KDM4C: variants seen among roughly 807,000 people sequenced by gnomAD.
KDM4C encodes the protein lysine demethylase 4C.
KDM4C carries 81 observed loss-of-function variants against 129.3 expected under a neutral mutation model. The ratio of observed to expected loss-of-function variants is 0.63; its 90% CI spans 0.52 to 0.75. The LOEUF (loss-of-function observed/expected upper bound fraction) is 0.75, where lower values mean the gene tolerates loss of function less well. Ranked by LOEUF, KDM4C falls within the 30% of genes least tolerant of loss-of-function variation. KDM4C has a pLI of 0.00. For synonymous variants in KDM4C, 573 were observed against 456.1 expected, an observed-to-expected ratio of 1.26 and a Z score of -3.26; for missense variants, 1,457 against 1,304.0, an observed-to-expected ratio of 1.12 and a Z score of -1.81.
chr9:7,077,614 G>A (rs1284399138), intron 17 of KDM4C, among the ~76,000 whole-genome samples: 1 of 152,120 alleles, frequency 6.6e-6, no homozygotes, highest in Non-Finnish European at 1.5e-5. Context: ...CATTTTGCTG[G>A]CTGTACTGCC....
chr9:6,919,289 TTC>T (rs1295319092), intron 8 of KDM4C, among the ~76,000 whole-genome samples: 1 of 150,148 alleles, frequency 6.7e-6, no homozygotes, highest in Non-Finnish European at 1.5e-5. Flanking sequence ...CTCTCTCTCT[TTC>T]TTTCTTTCTT....
Position 7,168,708 on chromosome 9 carries a change from A to G in KDM4C, c.2902-1090A>G, listed in dbSNP as rs565945679. 2.0e-5 allele frequency among the ~76,000 whole-genome samples: 3 copies of G among 152,208 alleles called. No homozygotes were observed. The South Asian group carries it at 6.2e-4, about 32-fold the overall frequency. On this transcript the variant is annotated intron_variant, in intron 20 of 21. Transcript: ENST00000381309. The stretch of plus-strand genomic sequence containing the variant: ...GGCATTTGATTGAATTTGACACGTG[A>G]ATTTTGAAAGTTCAAGCTCTGTAAG...
At chr9:6,806,498 AAAATAAATAAAT>A (rs3072002) in intron 3 of KDM4C, among the ~76,000 whole-genome samples, 114 of 146,804 alleles carry the variant, frequency 7.8e-4, no homozygotes, top group Non-Finnish European at 1.2e-3. Context: ...CCGTCTCGAA[AAAATAAATAAAT>A]AAATAAATAA....
chr9:6,895,570 A>G (rs746511200), intron 8 of KDM4C, among the ~76,000 whole-genome samples: 3 of 152,112 alleles, frequency 2.0e-5, no homozygotes, highest in Non-Finnish European at 4.4e-5. Context: ...GCATCTGCCT[A>G]CTACTACAGG....
chr9:7,170,533 G>T, intron 21 of KDM4C: 1 of 968,352 alleles, frequency 1.0e-6, no homozygotes, highest in South Asian at 4.8e-5. Flanking sequence ...TGCAGTCATT[G>T]AAAAATATAA....
intron 4 of KDM4C, among the ~76,000 whole-genome samples, chr9:6,817,540 C>G (rs1832341857): frequency 1.3e-5 from 2 of 151,728 alleles, no homozygotes; most frequent in Non-Finnish European, 1.5e-5. Flanking sequence ...AGTTGACAGA[C>G]TGGTGTTTTA....
At chr9:6,806,237 G>A (rs985893544) in intron 3 of KDM4C, among the ~76,000 whole-genome samples, 2 of 152,176 alleles carry the variant, frequency 1.3e-5, no homozygotes, top group African/African-American at 4.8e-5. Context: ...GCTCATGCCT[G>A]TAATCCCAGT....
intron 17 of KDM4C, among the ~76,000 whole-genome samples, chr9:7,084,178 G>T (rs1002823837): frequency 1.3e-5 from 2 of 152,218 alleles, no homozygotes; most frequent in African/African-American, 2.4e-5. Context: ...TAACACAGGT[G>T]TTGACGACCT....
At chr9:7,125,980 T>C (rs1485003313) in intron 18 of KDM4C, among the ~76,000 whole-genome samples, 1 of 152,118 alleles carries the variant, frequency 6.6e-6, no homozygotes, top group Admixed American at 6.5e-5. Context: ...TTTGTAGGAG[T>C]TCCTGAAAGG....
intron 8 of KDM4C, chr9:6,925,147 G>C: frequency 1.0e-6 from 1 of 985,392 alleles, no homozygotes; most frequent in Non-Finnish European, 1.2e-6. Flanking sequence ...GCCAAGCAGT[G>C]CCTCACTGGA....
intron 1 of KDM4C, among the ~76,000 whole-genome samples, chr9:6,766,639 C>T (rs965749254): frequency 6.6e-6 from 1 of 152,034 alleles, no homozygotes; most frequent in African/African-American, 2.4e-5. Flanking sequence ...GAATCTGGAT[C>T]TGAAATGCTT....
intron 1 of KDM4C, among the ~76,000 whole-genome samples, chr9:6,736,015 G>T (rs1817517254): frequency 6.6e-6 from 1 of 152,176 alleles, no homozygotes; most frequent in Non-Finnish European, 1.5e-5. Flanking sequence ...CTGGAGCAAA[G>T]GTGACTCTTG....
At chr9:6,742,616 T>C (rs141297339) in intron 1 of KDM4C, among the ~76,000 whole-genome samples, 2,284 of 150,916 alleles carry the variant, frequency 0.015, 24 homozygotes, top group Non-Finnish European at 0.026. Flanking sequence ...TCTGATGTCA[T>C]GAATATCAGC....
intron 12 of KDM4C, among the ~76,000 whole-genome samples, chr9:6,998,817 A>C (rs552901851): frequency 1.1e-3 from 168 of 152,222 alleles, no homozygotes; most frequent in African/African-American, 3.7e-3. Flanking sequence ...ACCAACCAAC[A>C]AACAAACAAC....
chr9:7,010,144 T>G (rs762189030), intron 12 of KDM4C, among the ~76,000 whole-genome samples: 4 of 152,222 alleles, frequency 2.6e-5, no homozygotes, highest in Non-Finnish European at 4.4e-5. Context: ...ATAATAATTT[T>G]TTAGCCATCT....
At chr9:6,746,355 G>C (rs1175892177) in intron 1 of KDM4C, among the ~76,000 whole-genome samples, 3 of 139,026 alleles carry the variant, frequency 2.2e-5, no homozygotes, top group Non-Finnish European at 4.5e-5. Flanking sequence ...TGCAAGCTCT[G>C]CCTCCCGGGT....
chr9:6,911,872 G>A (rs940726108), intron 8 of KDM4C, among the ~76,000 whole-genome samples: 2 of 152,140 alleles, frequency 1.3e-5, no homozygotes, highest in African/African-American at 4.8e-5. Flanking sequence ...GCCTGAGGGG[G>A]TAAACACCCC....
intron 2 of KDM4C, 78 bp downstream of exon 2, chr9:6,793,210 A>C: frequency 6.7e-7 from 1 of 1,496,038 alleles, no homozygotes; most frequent in Admixed American, 2.0e-5. Context: ...ACGATTTGGG[A>C]CATTGTTTCT....
In KDM4C at chr9:6,758,454, G is replaced by C. The variant is rs931663626; in HGVS notation, c.-18+251G>C. Reference sequence around the variant, plus strand: ...CGGCCCTTACCGAGGTTCGGTACCCGCGCTCGCCGTTTTCCCGGGATCCGG... The same window carrying C: ...CGGCCCTTACCGAGGTTCGGTACCCCCGCTCGCCGTTTTCCCGGGATCCGG... On this transcript the variant is annotated intron_variant, in intron 1 of 21. Transcript: ENST00000381309. This position sits in a 1 kb window ranked among gnomAD's most constrained non-coding sequence, Gnocchi z 4.6. Among the ~76,000 whole-genome samples, 5 of 152,236 alleles carry C rather than the reference G, an allele frequency of 3.3e-5. No individual in the cohort carries two copies. Among genetic ancestry groups the C allele is most frequent in the Non-Finnish European group, 1.5e-5 (1 of 68,042 alleles).
Sources: gnomAD v4.1 joint callset for allele counts (sites outside exome capture counted in the v4.1 genomes callset) on GRCh38, gnomAD v4.1.1 for gene constraint, Gnocchi (gnomAD v3.1) non-coding constraint, MANE v1.5 for transcripts, NCBI Gene and HGNC (gene_info 2026-07-23, HGNC 2026-07-21) for gene names.